The following GALNT9 variants were observed in gnomAD, a reference collection of about 807,000 sequenced individuals.
The protein encoded by GALNT9 is polypeptide N-acetylgalactosaminyltransferase 9, also known as GalNAc transferase 9.
In GALNT9, 47 loss-of-function variants were observed where a neutral mutation model predicts 63.1. The observed-to-expected ratio is 0.75, with a 90% CI of 0.59 to 0.95. GALNT9 has a LOEUF of 0.95. Ranked by LOEUF, GALNT9 falls within the 40% of genes least tolerant of loss-of-function variation. The probability of loss-of-function intolerance (pLI) is 0.00; values close to 1 mark genes in which losing one functional copy is unlikely to be tolerated. For missense variants in GALNT9, 829 were observed against 874.8 expected, an observed-to-expected ratio of 0.95 and a Z score of 0.66; for synonymous variants, 396 against 365.7, an observed-to-expected ratio of 1.08 and a Z score of -0.94.
At chr12:132,322,341 G>A (rs1026715534) in intron 1 of GALNT9, among the ~76,000 whole-genome samples, 11 of 152,332 alleles carry the variant, frequency 7.2e-5, no homozygotes, top group South Asian at 2.1e-4. Context: ...TCAGGCCCGC[G>A]TCCTCAGCGC....
chr12:132,268,804 G>T (rs372574020), intron 2 of GALNT9, among the ~76,000 whole-genome samples: 1 of 152,122 alleles, frequency 6.6e-6, no homozygotes, highest in Non-Finnish European at 1.5e-5. Flanking sequence ...GGCCATCAGG[G>T]AGCTGCCACT....
intron 1 of GALNT9, among the ~76,000 whole-genome samples, chr12:132,299,617 C>T (rs1338957793): frequency 5.2e-5 from 7 of 134,676 alleles, no homozygotes; most frequent in African/African-American, 2.0e-4. Flanking sequence ...TAACCCATCC[C>T]TGAGATGACC....
chr12:132,200,242 A>G lies in GALNT9; in HGVS notation c.1401+882T>C, dbSNP rs972903819. On this transcript the variant is annotated intron_variant, in intron 8 of 10. Transcript: ENST00000328957. ...CCTTGCCCCATCCGAGTGCCAGCTC[A>G]GGGCTGGGACGCTCGAGTCTCATGG... Among the ~76,000 whole-genome samples, 2 of 152,176 alleles carry G rather than the reference A, an allele frequency of 1.3e-5. 1 individual carries two copies. The highest frequency in any genetic ancestry group is 3.9e-4 in the East Asian group (2 of 5,178).
intron 4 of GALNT9, among the ~76,000 whole-genome samples, chr12:132,258,950 C>G (rs541652256): frequency 4.6e-5 from 7 of 152,190 alleles, no homozygotes; most frequent in African/African-American, 1.7e-4. Context: ...AGATTCGGGT[C>G]GGCTCAGGCA....
At chr12:132,197,681 G>T in intron 10 of GALNT9, 111 bp downstream of exon 10, 1 of 817,180 alleles carries the variant, frequency 1.2e-6, no homozygotes. Flanking sequence ...ACCACCCCCT[G>T]CCGCACTCCA....
At chr12:132,318,098 C>T (rs1236336734) in intron 1 of GALNT9, among the ~76,000 whole-genome samples, 1 of 152,080 alleles carries the variant, frequency 6.6e-6, no homozygotes, top group Non-Finnish European at 1.5e-5. Flanking sequence ...AAAAATTAGC[C>T]GGGCATGGTG....
chr12:132,307,809 G>C (rs949333958), intron 1 of GALNT9, among the ~76,000 whole-genome samples: 4 of 152,178 alleles, frequency 2.6e-5, no homozygotes, highest in African/African-American at 9.7e-5. Flanking sequence ...ACTCCAGCCT[G>C]GGCGACAGAG....
chr12:132,224,697 CT>C (rs1877578724), intron 6 of GALNT9, among the ~76,000 whole-genome samples: 1 of 121,036 alleles, frequency 8.3e-6, no homozygotes, highest in Non-Finnish European at 1.7e-5. Context: ...ACCCCACACA[CT>C]GTGCATACAC....
chr12:132,216,671 A>C (rs1374777785), intron 6 of GALNT9, among the ~76,000 whole-genome samples: 1 of 152,200 alleles, frequency 6.6e-6, no homozygotes, highest in African/African-American at 2.4e-5. Flanking sequence ...GTGTTCCAGC[A>C]TCTGGGGGGA....
intron 2 of GALNT9, chr12:132,273,348 A>C (rs1439547666): frequency 6.6e-6 from 1 of 152,282 alleles, no homozygotes; most frequent in Non-Finnish European, 1.5e-5. Flanking sequence ...GTCTCGTGTG[A>C]TGCGCCCGCC....
rs184892919 is a variant in GALNT9 at position 132,327,538 on chromosome 12, G to A, written c.238+1428C>T. Among the ~76,000 whole-genome samples, 196 of 152,252 alleles carry A rather than the reference G, an allele frequency of 1.3e-3. No homozygotes were observed. Among genetic ancestry groups the A allele is most frequent in the African/African-American group, 4.3e-3 (178 of 41,548 alleles). The stretch of plus-strand genomic sequence containing the variant: ...ATAAAACAGACCATAACACCATGGC[G>A]AGCACACTTCAATAGAGCCATGTGC... On this transcript the variant is annotated intron_variant, in intron 1 of 10. Transcript: ENST00000328957. The surrounding 1 kb of genome is among the most constrained non-coding windows in gnomAD (Gnocchi z 4.3).
chr12:132,200,864 A>G, intron 8 of GALNT9: 1 of 503,146 alleles, frequency 2.0e-6, no homozygotes, highest in South Asian at 2.3e-5. Context: ...GTGTGTATGG[A>G]CATGTGGGTC....
At chr12:132,291,867 C>A (rs1040813631) in intron 1 of GALNT9, among the ~76,000 whole-genome samples, 1 of 152,196 alleles carries the variant, frequency 6.6e-6, no homozygotes, top group East Asian at 1.9e-4. Flanking sequence ...GTTCCAGAGC[C>A]GCTCCCCTGC....
At chr12:132,284,754 T>G (rs988168985) in intron 2 of GALNT9, 1 of 152,250 alleles carries the variant, frequency 6.6e-6, no homozygotes, top group South Asian at 2.1e-4. Context: ...CTAAGGAAGC[T>G]TCATCACACC....
chr12:132,269,854 G>C lies in GALNT9; in HGVS notation c.420-7229C>G, dbSNP rs376478673. Among the ~76,000 whole-genome samples, 57 of 152,354 alleles carry C rather than the reference G, an allele frequency of 3.7e-4. 1 individual carries two copies. In the South Asian group the frequency reaches 0.012, roughly 31 times the overall value. ...TGGCCTTTGCCTGCAGCACACACAGGCGAGGGAGATGGGCGCACGGGATCA... is the reference window on the plus strand; with the variant it reads ...TGGCCTTTGCCTGCAGCACACACAGCCGAGGGAGATGGGCGCACGGGATCA... On this transcript the variant is annotated intron_variant, in intron 2 of 10. Coordinates refer to ENST00000328957, the MANE Select transcript of GALNT9 (RefSeq NM_001122636.2).
intron 4 of GALNT9, among the ~76,000 whole-genome samples, chr12:132,260,459 C>T (rs1555239614): frequency 6.6e-6 from 1 of 152,144 alleles, no homozygotes; most frequent in Non-Finnish European, 1.5e-5. Context: ...GCTCACTTCC[C>T]ACGCCCCTTG....
chr12:132,230,089 G>A (rs977756162), intron 6 of GALNT9, among the ~76,000 whole-genome samples: 1 of 152,160 alleles, frequency 6.6e-6, no homozygotes, highest in African/African-American at 2.4e-5. Context: ...TCCAAGGTGG[G>A]GCACAGAGGG....
chr12:132,298,668 A>C (rs868909059), intron 1 of GALNT9, among the ~76,000 whole-genome samples: 1 of 146,554 alleles, frequency 6.8e-6, no homozygotes, highest in Non-Finnish European at 1.5e-5. Context: ...TAACTAACCC[A>C]CTCCCACCAC....
At chr12:132,211,399 G>A (rs1876950898) in intron 6 of GALNT9, among the ~76,000 whole-genome samples, 2 of 152,194 alleles carry the variant, frequency 1.3e-5, no homozygotes, top group Admixed American at 1.3e-4. Flanking sequence ...ATGATTTAAA[G>A]TTCATGATCC....
Sources: allele counts gnomAD v4.1 joint callset (sites outside exome capture counted in the v4.1 genomes callset), GRCh38; gene constraint gnomAD v4.1.1; non-coding constraint Gnocchi (gnomAD v3.1); transcripts MANE v1.5; gene names NCBI Gene and HGNC (gene_info 2026-07-23, HGNC 2026-07-21).